ADAMTS3: variants seen among roughly 807,000 people sequenced by gnomAD.
The protein encoded by ADAMTS3 is A disintegrin and metalloproteinase with thrombospondin motifs 3.
ADAMTS3 carries 73 observed loss-of-function variants against 129.0 expected under a neutral mutation model. The ratio of observed to expected loss-of-function variants is 0.57; its 90% confidence interval spans 0.47 to 0.69. The LOEUF (loss-of-function observed/expected upper bound fraction) is 0.69, where lower values mean the gene tolerates loss of function less well. Among genes scored for constraint, ADAMTS3 ranks in the 30% least tolerant of loss-of-function variants. The pLI is 0.00. For synonymous variants in ADAMTS3, 477 were observed against 510.8 expected (o/e 0.93, Z 0.89); for missense variants, 1,457 against 1,514.5 (o/e 0.96, Z 0.63).
intron 7 of ADAMTS3, among the ~76,000 whole-genome samples, chr4:72,320,360 T>A (rs1719519843): frequency 6.6e-6 from 1 of 152,186 alleles, no homozygotes; most frequent in Non-Finnish European, 1.5e-5. Context: ...ATTAGATAAA[T>A]GTAAGCTGAC....
In ADAMTS3 at chr4:72,550,080, A is replaced by G. The variant is rs1037940626; in HGVS notation, c.98-1196T>C. On this transcript the variant is annotated intron_variant, in intron 2 of 21. Transcript: ENST00000286657. ...GAGGAAGAGGAAGAGGAAGAGGAAGAGGAAGAAGAAGAAGAAGAAGAAGAA... is the reference window on the plus strand; with the variant it reads ...GAGGAAGAGGAAGAGGAAGAGGAAGGGGAAGAAGAAGAAGAAGAAGAAGAA... Among the ~76,000 whole-genome samples the G allele has an allele frequency of 1.2e-4, 4 of 34,476 alleles. 1 individual carries two copies. Among genetic ancestry groups the G allele is most frequent in the Non-Finnish European group, 1.9e-4 (3 of 16,196 alleles). 22.6% of individuals were successfully genotyped at this position (34,476 alleles called of 152,430 possible). A position where few individuals can be genotyped will look rare whatever the true frequency, so the allele number is the denominator to read the frequency against.
chr4:72,490,961 A>G (rs1719725214), intron 3 of ADAMTS3, among the ~76,000 whole-genome samples: 1 of 151,872 alleles, frequency 6.6e-6, no homozygotes, highest in Non-Finnish European at 1.5e-5. Context: ...ATGAATGAAC[A>G]TGAGATTTTT....
intron 4 of ADAMTS3, among the ~76,000 whole-genome samples, chr4:72,385,214 T>C (rs1721415589): frequency 1.3e-5 from 2 of 151,466 alleles, no homozygotes; most frequent in Admixed American, 1.3e-4. Flanking sequence ...GGTCAGTCAA[T>C]GAACCTATGT....
chr4:72,413,109 T>A lies in ADAMTS3; in HGVS notation c.661+1706A>T, dbSNP rs185308213. Among the ~76,000 whole-genome samples the A allele has an allele frequency of 2.6e-5, 4 of 152,096 alleles. No homozygotes were observed. The East Asian group carries it at 7.7e-4, about 29-fold the overall frequency. ...AAAAAAACTCTTCTTCTTATAAATA[T>A]CAGACTAATGAAAAGTACTAGGGCT... On this transcript the variant is annotated intron_variant, in intron 4 of 21. Coordinates refer to ENST00000286657, the MANE Select transcript of ADAMTS3 (RefSeq NM_014243.3).
At chr4:72,453,524 G>T (rs1718463060) in intron 3 of ADAMTS3, among the ~76,000 whole-genome samples, 1 of 151,724 alleles carries the variant, frequency 6.6e-6, no homozygotes, top group Admixed American at 6.6e-5. Flanking sequence ...TACATCACTT[G>T]CCATAGGTAA....
At chr4:72,418,496 T>C (rs1030749468) in intron 3 of ADAMTS3, among the ~76,000 whole-genome samples, 1 of 152,124 alleles carries the variant, frequency 6.6e-6, no homozygotes, top group Non-Finnish European at 1.5e-5. Context: ...GGAGTCCAGG[T>C]TGACAGTGGC....
intron 3 of ADAMTS3, among the ~76,000 whole-genome samples, chr4:72,517,223 C>T (rs1356782510): frequency 6.6e-6 from 1 of 152,118 alleles, no homozygotes; most frequent in Non-Finnish European, 1.5e-5. Flanking sequence ...TGATGTGCTG[C>T]TGGATTCGGT....
chr4:72,326,482 A>G (rs1719702097), intron 5 of ADAMTS3, among the ~76,000 whole-genome samples: 1 of 152,086 alleles, frequency 6.6e-6, no homozygotes, highest in South Asian at 2.1e-4. Context: ...TAGATATTCA[A>G]AACCCTGGGT....
intron 12 of ADAMTS3, 117 bp downstream of exon 12, chr4:72,313,560 A>G (rs538978059): frequency 1.1e-4 from 123 of 1,112,994 alleles, no homozygotes; most frequent in Non-Finnish European, 1.4e-4. Context: ...ACTGTGAACA[A>G]TTTATTTTCC....
chr4:72,319,540 T>C (rs1182618927), intron 8 of ADAMTS3, 65 bp from the exon 9 acceptor site: 37 of 1,534,414 alleles, frequency 2.4e-5, no homozygotes, highest in Non-Finnish European at 3.2e-5. Flanking sequence ...ATTTTGGTTT[T>C]GAAAATAAGC....
intron 4 of ADAMTS3, among the ~76,000 whole-genome samples, chr4:72,384,730 A>G (rs745622195): frequency 7.2e-5 from 11 of 152,344 alleles, no homozygotes; most frequent in South Asian, 6.2e-4. Flanking sequence ...AGGAAACAAT[A>G]TTGAACATCA....
At chr4:72,544,385 C>T (rs1238274103) in intron 3 of ADAMTS3, among the ~76,000 whole-genome samples, 2 of 152,048 alleles carry the variant, frequency 1.3e-5, no homozygotes, top group African/African-American at 2.4e-5. Context: ...AATCATACAA[C>T]TTAATTTATT....
At chr4:72,399,825 ACG>A (rs1721841632) in intron 4 of ADAMTS3, among the ~76,000 whole-genome samples, 1 of 104,094 alleles carries the variant, frequency 9.6e-6, no homozygotes, top group Non-Finnish European at 2.1e-5. Flanking sequence ...GTGTGTATAT[ACG>A]TGTGTATATA....
chr4:72,463,197 C>CT (rs1309776835), intron 3 of ADAMTS3, among the ~76,000 whole-genome samples: 1 of 151,962 alleles, frequency 6.6e-6, no homozygotes, highest in Non-Finnish European at 1.5e-5. Context: ...GATCAATAGA[C>CT]TATAAGGCAT....
At chr4:72,548,978 T>G (rs1423556585) in intron 2 of ADAMTS3, 94 bp from the exon 3 acceptor site, 1 of 1,115,356 alleles carries the variant, frequency 9.0e-7, no homozygotes, top group Non-Finnish European at 1.3e-6. Flanking sequence ...CACAAGACCA[T>G]ACTTCAATGT....
chr4:72,286,823 C>T (rs1480600626), intron 21 of ADAMTS3, among the ~76,000 whole-genome samples: 8 of 151,082 alleles, frequency 5.3e-5, no homozygotes, highest in East Asian at 1.9e-4. Context: ...ATGGGGGTGG[C>T]GAGAGACTGA....
intron 16 of ADAMTS3, among the ~76,000 whole-genome samples, chr4:72,305,732 C>T (rs1228268372): frequency 1.3e-5 from 2 of 151,850 alleles, no homozygotes; most frequent in African/African-American, 4.8e-5. Context: ...TATACGTATG[C>T]ACATGTATGT....
intron 21 of ADAMTS3, among the ~76,000 whole-genome samples, chr4:72,285,268 T>C (rs115873715): frequency 0.01 from 1,554 of 152,352 alleles, 26 homozygotes; most frequent in African/African-American, 0.035. Context: ...AGGTCTATTA[T>C]ATGGTATAAT....
intron 4 of ADAMTS3, among the ~76,000 whole-genome samples, chr4:72,383,287 CA>C (rs1351622061): frequency 6.6e-6 from 1 of 151,968 alleles, no homozygotes; most frequent in Non-Finnish European, 1.5e-5. Context: ...GGAGAATGAA[CA>C]AATGCAGGGA....
Sources: gnomAD v4.1 joint callset for allele counts (sites outside exome capture counted in the v4.1 genomes callset) on GRCh38, gnomAD v4.1.1 for gene constraint, MANE v1.5 for transcripts, NCBI Gene and HGNC (gene_info 2026-07-23, HGNC 2026-07-21) for gene names.